The following EYA1 variants were observed in gnomAD, a reference collection of about 807,000 sequenced individuals.
EYA1 encodes protein phosphatase EYA1.
EYA1 carries 16 observed loss-of-function variants against 82.0 expected under a neutral mutation model. The observed-to-expected ratio is 0.20, with a 90% CI of 0.13 to 0.30. The LOEUF is 0.30. Ranked by LOEUF, EYA1 falls within the 10% of genes least tolerant of loss-of-function variation. EYA1 has a pLI of 1.00. For missense variants in EYA1, 633 were observed against 730.7 expected (o/e 0.87, Z 1.54); for synonymous variants, 261 against 264.4 (o/e 0.99, Z 0.12).
In EYA1 at chr8:71,386,533, AGCACTTGTGG is replaced by A. The variant is rs200651911; in HGVS notation, c.34-30032_34-30023del. ...TGGACCAACATTGTCTAGAGTGAACAGCACTTGTGGGCCATGAGTTGACAATAGCTAATTC... is the reference window on the plus strand; with the variant it reads ...TGGACCAACATTGTCTAGAGTGAACAGCCATGAGTTGACAATAGCTAATTC... On this transcript the variant is annotated intron_variant, in intron 2 of 18. Transcript: ENST00000643681. Among the ~76,000 whole-genome samples, 1,000 of 152,368 alleles carry A rather than the reference AGCACTTGTGG, an allele frequency of 6.6e-3. 10 individuals are homozygous for A. Among genetic ancestry groups the A allele is most frequent in the African/African-American group, 0.022 (898 of 41,594 alleles).
intron 9 of EYA1, among the ~76,000 whole-genome samples, chr8:71,273,793 T>G (rs991014939): frequency 2.6e-5 from 4 of 152,224 alleles, no homozygotes. Flanking sequence ...GCTCTCTGGC[T>G]TTTGGAAGTA....
At chr8:71,335,359 G>A (rs1211198621) in intron 3 of EYA1, among the ~76,000 whole-genome samples, 1 of 152,058 alleles carries the variant, frequency 6.6e-6, no homozygotes, top group Non-Finnish European at 1.5e-5. Context: ...ATAACTCCTG[G>A]ATCTTCAAAT....
chr8:71,271,264 C>CAT, intron 10 of EYA1, among the ~76,000 whole-genome samples: 1 of 152,288 alleles, frequency 6.6e-6, no homozygotes, highest in South Asian at 2.1e-4. Context: ...TCCCTTCAAG[C>CAT]ATTTGTCCTT....
chr8:71,371,885 A>T (rs186621164), intron 2 of EYA1, among the ~76,000 whole-genome samples: 176 of 152,250 alleles, frequency 1.2e-3, no homozygotes, highest in African/African-American at 3.9e-3. Context: ...CGGGTTGAAA[A>T]ATAAAACTGT....
chr8:71,474,198 TAAA>T (rs199862429), intron 2 of EYA1, among the ~76,000 whole-genome samples: 2,474 of 104,210 alleles, frequency 0.024, 52 homozygotes, highest in African/African-American at 0.07. Flanking sequence ...AAAGTAAAAT[TAAA>T]AAAAAAAAAA....
At chr8:71,467,338 T>C (rs1808855328) in intron 2 of EYA1, among the ~76,000 whole-genome samples, 1 of 152,144 alleles carries the variant, frequency 6.6e-6, no homozygotes, top group Admixed American at 6.5e-5. Context: ...ATCTTAGCAG[T>C]TTGCCAACTA....
At chr8:71,370,218 C>T (rs1055455209) in intron 2 of EYA1, among the ~76,000 whole-genome samples, 8 of 152,020 alleles carry the variant, frequency 5.3e-5, no homozygotes, top group South Asian at 2.1e-4. Context: ...AAACCCTACA[C>T]GTCCTGCCTT....
intron 9 of EYA1, among the ~76,000 whole-genome samples, chr8:71,281,954 A>G (rs1179342555): frequency 6.6e-6 from 1 of 152,170 alleles, no homozygotes; most frequent in African/African-American, 2.4e-5. Flanking sequence ...CTTGTAGAAT[A>G]TTGGCGCTGC....
At chr8:71,526,728 G>A (rs1043622606) in intron 2 of EYA1, among the ~76,000 whole-genome samples, 4 of 152,132 alleles carry the variant, frequency 2.6e-5, no homozygotes, top group Admixed American at 6.5e-5. Context: ...AAAGCCATAC[G>A]GGCCTTTGTG....
chr8:71,337,223 A>G (rs1824599112), intron 3 of EYA1, among the ~76,000 whole-genome samples: 1 of 152,214 alleles, frequency 6.6e-6, no homozygotes, highest in Non-Finnish European at 1.5e-5. Context: ...AAAACTATGA[A>G]TGATCTGTTC....
intron 3 of EYA1, among the ~76,000 whole-genome samples, chr8:71,335,037 G>T (rs1824324532): frequency 6.6e-6 from 1 of 152,192 alleles, no homozygotes; most frequent in African/African-American, 2.4e-5. Context: ...TTTAAAAGAA[G>T]AAGTAGCATC....
intron 2 of EYA1, among the ~76,000 whole-genome samples, chr8:71,400,533 A>G (rs574175882): frequency 1.8e-3 from 261 of 141,574 alleles, no homozygotes; most frequent in African/African-American, 6.3e-3. Context: ...CAGACATGAA[A>G]AAAGCACAAC....
intron 2 of EYA1, among the ~76,000 whole-genome samples, chr8:71,414,553 C>T (rs1830762813): frequency 6.6e-6 from 1 of 152,200 alleles, no homozygotes; most frequent in Admixed American, 6.5e-5. Flanking sequence ...AGCACTAAAA[C>T]TTTTACATTA....
At chr8:71,320,057 C>T (rs1395627451) in intron 6 of EYA1, among the ~76,000 whole-genome samples, 1 of 152,200 alleles carries the variant, frequency 6.6e-6, no homozygotes, top group African/African-American at 2.4e-5. Context: ...AATCCCCATC[C>T]TCACTCTGCT....
At chr8:71,517,588 T>TA (rs1236673308) in intron 2 of EYA1, among the ~76,000 whole-genome samples, 1 of 151,654 alleles carries the variant, frequency 6.6e-6, no homozygotes, top group African/African-American at 2.4e-5. Context: ...CTCATTATTA[T>TA]ATATAAAGTG....
At position 71,229,323 on chromosome 8, in the gene EYA1, T is replaced by C. The variant is rs374588613; in HGVS notation, c.1141-12300A>G. Reference sequence around the variant, plus strand: ...CAGTCTCAATAATAACTACCATTATTGACAGACTACAGTCTTTGTGTCATG... The same window carrying C: ...CAGTCTCAATAATAACTACCATTATCGACAGACTACAGTCTTTGTGTCATG... On this transcript the variant is annotated intron_variant, in intron 12 of 17. Transcript: ENST00000340726. Among the ~76,000 whole-genome samples the C allele has an allele frequency of 3.3e-5, 5 of 152,280 alleles. No homozygotes were observed. In the South Asian group the frequency reaches 1.0e-3, roughly 32 times the overall value.
intron 1 of EYA1, among the ~76,000 whole-genome samples, chr8:71,536,211 C>T (rs1258805010): frequency 6.6e-6 from 1 of 151,826 alleles, no homozygotes; most frequent in Non-Finnish European, 1.5e-5. Context: ...AATTTAGTTT[C>T]TCCGTGCTAT....
chr8:71,478,013 G>T (rs1373729004), intron 2 of EYA1, among the ~76,000 whole-genome samples: 7 of 152,142 alleles, frequency 4.6e-5, no homozygotes, highest in Admixed American at 3.3e-4. Flanking sequence ...ATGAGTGGTT[G>T]CCAGGAGCTA....
At chr8:71,353,767 T>A (rs1409311023) in intron 3 of EYA1, among the ~76,000 whole-genome samples, 1 of 152,158 alleles carries the variant, frequency 6.6e-6, no homozygotes, top group Non-Finnish European at 1.5e-5. Flanking sequence ...TTTTAAAAAA[T>A]TGTGTAATGA....
Sources: gnomAD v4.1 joint callset for allele counts (sites outside exome capture counted in the v4.1 genomes callset) on GRCh38, gnomAD v4.1.1 for gene constraint, MANE v1.5 for transcripts, NCBI Gene and HGNC (gene_info 2026-07-23, HGNC 2026-07-21) for gene names.